The following ALYREF variants were observed in gnomAD, a reference collection of about 807,000 sequenced individuals.
ALYREF encodes the protein THO complex subunit 4.
ALYREF carries 1 observed loss-of-function variant against 25.2 expected under a neutral mutation model. That is an observed-to-expected ratio of 0.04 (90% CI 0.01 to 0.19). The LOEUF is 0.19. Among genes scored for constraint, ALYREF ranks in the 10% least tolerant of loss-of-function variants. The probability of loss-of-function intolerance (pLI) is 1.00; values close to 1 mark genes in which losing one functional copy is unlikely to be tolerated. For synonymous variants in ALYREF, 193 were observed against 153.5 expected, an observed-to-expected ratio of 1.26 and a Z score of -1.90; for missense variants, 328 against 375.6, an observed-to-expected ratio of 0.87 and a Z score of 1.05.
chr17:81,887,998 G>T lies in ALYREF; in HGVS notation c.*133C>A. The T allele has an allele frequency of 6.9e-4, 594 of 861,788 alleles. No individual in the cohort carries two copies. The highest frequency in any genetic ancestry group is 1.2e-3 in the Middle Eastern group (3 of 2,574). The allele number at this position is 861,788 out of a possible 1,614,324, so 53.4% of individuals were successfully genotyped here. ...AGAAAAAAAAAAAACCTTTACATGA[G>T]TTTTTAAATCCTATTTTAAAACATA... On this transcript the variant is annotated 3_prime_UTR_variant, in exon 6 of 6. Transcript: ENST00000505490.
Position 81,888,773 on chromosome 17 carries a change from C to T in ALYREF, c.539-190G>A. 6.9e-7 allele frequency: 1 copy of T among 1,446,690 alleles called. No individual in the cohort carries two copies. Among genetic ancestry groups the T allele is most frequent in the Non-Finnish European group, 9.1e-7 (1 of 1,100,358 alleles). The allele number at this position is 1,446,690 out of a possible 1,614,324, so 89.6% of individuals were successfully genotyped here. On this transcript the variant is annotated intron_variant, in intron 3 of 5. Transcript: ENST00000505490. This position sits in a 1 kb window ranked among gnomAD's most constrained non-coding sequence, Gnocchi z 5.8. ...GGCAAGGAAGCAACCCCACCAACAC[C>T]TCCTCACTCCTTCTCAGTCCAGACT...
Position 81,888,279 on chromosome 17 carries a change from C to G in ALYREF, c.742G>C (p.Glu248Gln), listed in dbSNP as rs774988340. 3 of 1,609,258 alleles carry G rather than the reference C, an allele frequency of 1.9e-6. No individual in the cohort carries two copies. The highest frequency in any genetic ancestry group is 1.7e-6 in the Non-Finnish European group (2 of 1,178,630). ...GRNSKQQLSA[E>Q]ELDAQLDAYN... ...GCGTCCAGCTGGGCATCCAGCTCCT[C>G]TGCCGAAAGCTGCTGCTTTGAATTC... The change falls in exon 5 of 6, where the codon GAG becomes CAG. Residue 248 changes from glutamate to glutamine, a missense_variant. Around this residue, in one of 3 missense-constraint regions of ALYREF, gnomAD observed 108 missense variants for 110.5 expected, o/e 0.98. Coordinates refer to ENST00000505490, the MANE Select transcript of ALYREF (RefSeq NM_005782.4). This position sits in a 1 kb window ranked among gnomAD's most constrained non-coding sequence, Gnocchi z 5.8.
rs369635132 is a variant in ALYREF, at chr17:81,888,438, C to T, written c.603-20G>A. Reference sequence around the variant, plus strand: ...TTTACGCTAGCAAGGAAGACGAAACCGTTCACACACCCGGAAGGACCCTAA... The same window carrying T: ...TTTACGCTAGCAAGGAAGACGAAACTGTTCACACACCCGGAAGGACCCTAA... On this transcript the variant is annotated intron_variant, in intron 4 of 5. Transcript: ENST00000505490. The surrounding 1 kb of genome is among the most constrained non-coding windows in gnomAD (Gnocchi z 5.8). The T allele has an allele frequency of 1.4e-5, 23 of 1,599,842 alleles. No homozygotes were observed. The highest frequency in any genetic ancestry group is 1.7e-4 in the Middle Eastern group (1 of 6,028).
rs763559518 is a variant in ALYREF, at chr17:81,888,115, G to A, written c.*16C>T. The A allele has an allele frequency of 7.4e-6, 12 of 1,614,034 alleles. No homozygotes were observed. The highest frequency in any genetic ancestry group is 1.7e-4 in the Middle Eastern group (1 of 6,006). ...GACGCCTGGGTCCTGTTCCGCACGC[G>A]GATTTGCTGGTCTGTTTAACTGGTG... On this transcript the variant is annotated 3_prime_UTR_variant, in exon 6 of 6. Transcript: ENST00000505490. The surrounding 1 kb of genome is among the most constrained non-coding windows in gnomAD (Gnocchi z 5.8).
intron 2 of ALYREF, among the ~76,000 whole-genome samples, 168 bp downstream of exon 2, chr17:81,890,521 G>C (rs1313505265): frequency 1.3e-5 from 2 of 152,106 alleles, no homozygotes; most frequent in Non-Finnish European, 2.9e-5. Context: ...GCTCGCACCT[G>C]CCTGCGCACT....
At chr17:81,891,206 G>C in intron 1 of ALYREF, 117 bp downstream of exon 1, 1 of 781,120 alleles carries the variant, frequency 1.3e-6, no homozygotes, top group Non-Finnish European at 1.6e-6. Context: ...GGACCTCCGG[G>C]CGGCCGCTCC....
Position 81,888,455 on chromosome 17 carries a change from G to A in ALYREF, c.603-37C>T, listed in dbSNP as rs778420942. 4 of 1,604,056 alleles carry A rather than the reference G, an allele frequency of 2.5e-6. No individual in the cohort carries two copies. The highest frequency in any genetic ancestry group is 2.2e-5 in the East Asian group (1 of 44,632). On this transcript the variant is annotated intron_variant, in intron 4 of 5. Coordinates refer to ENST00000505490, the MANE Select transcript of ALYREF (RefSeq NM_005782.4). This position sits in a 1 kb window ranked among gnomAD's most constrained non-coding sequence, Gnocchi z 5.8. Reference sequence around the variant, plus strand: ...GACGAAACCGTTCACACACCCGGAAGGACCCTAAGAGCGACGCAGCCTCAC... The same window carrying A: ...GACGAAACCGTTCACACACCCGGAAAGACCCTAAGAGCGACGCAGCCTCAC...
Position 81,888,507 on chromosome 17 carries a change from C to A in ALYREF, c.602+13G>T. ...CTCGGCCAATCCCCTTCCCCAGAGG[C>A]CCCGGAAGTCACCTCTGTGCAGGCC... On this transcript the variant is annotated intron_variant, in intron 4 of 5. Coordinates refer to ENST00000505490, the MANE Select transcript of ALYREF (RefSeq NM_005782.4). This position sits in a 1 kb window ranked among gnomAD's most constrained non-coding sequence, Gnocchi z 5.8. 8 of 1,599,832 alleles carry A rather than the reference C, an allele frequency of 5.0e-6. No individual in the cohort carries two copies. The highest frequency in any genetic ancestry group is 6.8e-6 in the Non-Finnish European group (8 of 1,172,340).
chr17:81,891,423 G>C lies in ALYREF; in HGVS notation c.158C>G (p.Ala53Gly), dbSNP rs1156320997. 24 of 1,016,346 alleles carry C rather than the reference G, an allele frequency of 2.4e-5. No homozygotes were observed. The highest frequency in any genetic ancestry group is 2.8e-5 in the Non-Finnish European group (24 of 853,136). The allele number at this position is 1,016,346 out of a possible 1,614,324, so 63.0% of individuals were successfully genotyped here. The change falls in exon 1 of 6, where the codon GCG becomes GGG. Residue 53 changes from alanine (A) to glycine (G), a missense_variant. Ala to Gly is a moderately conservative substitution (Grantham distance 60). Around this residue, in one of 3 missense-constraint regions of ALYREF, gnomAD observed 150 missense variants for 135.3 expected, o/e 1.11. Transcript: ENST00000505490. ...GGRGGGAQAA[A>G]RVNRGGGPIR... Reference sequence around the variant, plus strand: ...GGGCCCGCCGCCTCGATTCACTCGCGCGGCGGCCTGCGCCCCACCGCCGCG... The same window carrying C: ...GGGCCCGCCGCCTCGATTCACTCGCCCGGCGGCCTGCGCCCCACCGCCGCG...
chr17:81,890,818 T>C lies in ALYREF; in HGVS notation c.261A>G (p.Pro87=), dbSNP rs146289501. 2 of 1,613,848 alleles carry C rather than the reference T, an allele frequency of 1.2e-6. No homozygotes were observed. The highest frequency in any genetic ancestry group is 1.7e-6 in the Non-Finnish European group (2 of 1,179,914). Residue 87 remains proline, a splice_region_variant and synonymous_variant, in exon 2 of 6, where the codon CCA becomes CCG. Coordinates refer to ENST00000505490, the MANE Select transcript of ALYREF (RefSeq NM_005782.4). The part of the protein sequence containing the change: ...GRNRPAPYSR[P]KQLPDKWQHD... The stretch of plus-strand genomic sequence containing the variant: ...GCTGCCACTTGTCGGGAAGTTGTTT[T>C]GGCTGAAAAAAAAACCGCAACAAGA...
At chr17:81,890,322 C>A (rs921695007) in intron 2 of ALYREF, among the ~76,000 whole-genome samples, 1 of 152,140 alleles carries the variant, frequency 6.6e-6, no homozygotes, top group Non-Finnish European at 1.5e-5. Context: ...AAAGAAGATT[C>A]TTTTTCTCAC....
Position 81,890,823 on chromosome 17 carries a change from GA to G in ALYREF, c.259-4del, listed in dbSNP as rs751288400. 6.9e-6 allele frequency: 11 copies of G among 1,587,426 alleles called. No individual in the cohort carries two copies. The highest frequency in any genetic ancestry group is 2.2e-5 in the South Asian group (2 of 89,504). On this transcript the variant is annotated splice_region_variant and splice_polypyrimidine_tract_variant and intron_variant, in intron 1 of 5. Coordinates refer to ENST00000505490, the MANE Select transcript of ALYREF (RefSeq NM_005782.4). Reference sequence around the variant, plus strand: ...CACTTGTCGGGAAGTTGTTTTGGCTGAAAAAAAAACCGCAACAAGAGCAGAT... The same window carrying G: ...CACTTGTCGGGAAGTTGTTTTGGCTGAAAAAAAACCGCAACAAGAGCAGAT...
chr17:81,889,173 C>G lies in ALYREF; in HGVS notation c.538+9G>C. On this transcript the variant is annotated intron_variant, in intron 3 of 5. Transcript: ENST00000505490. ...CCCACAGTCAGCGTGGGTCCACCCC[C>G]AGACTCACCATCCAGAGGGACGCCG... 2 of 1,613,822 alleles carry G rather than the reference C, an allele frequency of 1.2e-6. No individual in the cohort carries two copies. Among genetic ancestry groups the G allele is most frequent in the South Asian group, 1.1e-5 (1 of 91,078 alleles).
chr17:81,888,578 G>A lies in ALYREF; in HGVS notation c.544C>T (p.Pro182Ser). Residue 182 changes from proline (P) to serine (S), a missense_variant, in exon 4 of 6, where the codon CCC (proline) becomes TCC (serine). Physicochemically the swap from Pro to Ser is moderately conservative, Grantham distance 74. Coordinates refer to ENST00000505490, the MANE Select transcript of ALYREF (RefSeq NM_005782.4). This position sits in a 1 kb window ranked among gnomAD's most constrained non-coding sequence, Gnocchi z 5.8. The stretch of plus-strand genomic sequence containing the variant: ...GACGTGACAAGCTGAATGTTCATGG[G>A]GCGGCCTGCGGCAAAGAATACGAGA... ...QYNGVPLDGRPMNIQLVTSQI... is the reference protein window; with the variant it reads ...QYNGVPLDGRSMNIQLVTSQI... 6.3e-7 allele frequency: 1 copy of A among 1,589,938 alleles called. No homozygotes were observed. Among genetic ancestry groups the A allele is most frequent in the Non-Finnish European group, 8.6e-7 (1 of 1,167,160 alleles).
Position 81,890,817 on chromosome 17 carries a change from T to C in ALYREF, c.262A>G (p.Lys88Glu). 1.2e-6 allele frequency: 2 copies of C among 1,613,898 alleles called. No homozygotes were observed. The highest frequency in any genetic ancestry group is 1.7e-6 in the Non-Finnish European group (2 of 1,179,944). ...RNRPAPYSRPKQLPDKWQHDL... is the reference protein window; with the variant it reads ...RNRPAPYSRPEQLPDKWQHDL... Reference sequence around the variant, plus strand: ...TGCTGCCACTTGTCGGGAAGTTGTTTTGGCTGAAAAAAAAACCGCAACAAG... The same window carrying C: ...TGCTGCCACTTGTCGGGAAGTTGTTCTGGCTGAAAAAAAAACCGCAACAAG... Residue 88 changes from lysine (K) to glutamate (E), a missense_variant, in exon 2 of 6, where the codon AAA becomes GAA. By Grantham distance (56) the Lys-to-Glu change is moderately conservative. This residue lies in a region of ALYREF where 150 missense variants were observed against 135.3 expected (regional missense o/e 1.11). Transcript: ENST00000505490.
chr17:81,891,576 G>A lies in ALYREF; in HGVS notation c.5C>T (p.Pro2Leu). The A allele has an allele frequency of 1.4e-6, 2 of 1,435,740 alleles. No individual in the cohort carries two copies. The highest frequency in any genetic ancestry group is 1.3e-5 in the South Asian group (1 of 77,770). 88.9% of individuals were successfully genotyped at this position (1,435,740 alleles called of 1,614,324 possible). Residue 2 changes from proline (P) to leucine (L), a missense_variant, in exon 1 of 6, where the codon CCC becomes CTC. Pro to Leu is a moderately conservative substitution (Grantham distance 98). This residue lies in a region of ALYREF where 150 missense variants were observed against 135.3 expected (regional missense o/e 1.11). Coordinates refer to ENST00000505490, the MANE Select transcript of ALYREF (RefSeq NM_005782.4). ...GTCGGCCATGGCGGGCGCGGAATCGGGCATCGGCTCGAGCCCGCGCGTCAG... is the reference window on the plus strand; with the variant it reads ...GTCGGCCATGGCGGGCGCGGAATCGAGCATCGGCTCGAGCCCGCGCGTCAG... MPDSAPAMADKM... is the reference protein window; with the variant it reads MLDSAPAMADKM...
intron 2 of ALYREF, 105 bp downstream of exon 2, chr17:81,890,584 G>A (rs763698896): frequency 2.6e-5 from 40 of 1,520,254 alleles, no homozygotes; most frequent in East Asian, 2.5e-4. Context: ...AGAGCTGGGA[G>A]GGCTCCCTTC....
In ALYREF at chr17:81,891,524, G is replaced by A; in HGVS notation, c.57C>T (p.Ile19=). 7.1e-7 allele frequency: 1 copy of A among 1,411,162 alleles called. No individual in the cohort carries two copies. Among genetic ancestry groups the A allele is most frequent in the Non-Finnish European group, 9.3e-7 (1 of 1,077,336 alleles). 87.4% of individuals were successfully genotyped at this position (1,411,162 alleles called of 1,614,324 possible). ...ADKMDMSLDD[I]IKLNRSQRGG... is the part of the protein sequence containing the mutation. Reference sequence around the variant, plus strand: ...CTCGCTGGCTCCGGTTCAGTTTAATGATGTCGTCCAGAGACATGTCCATTT... The same window carrying A: ...CTCGCTGGCTCCGGTTCAGTTTAATAATGTCGTCCAGAGACATGTCCATTT... Residue 19 remains isoleucine (I), a synonymous_variant, in exon 1 of 6, where the codon ATC becomes ATT. Coordinates refer to ENST00000505490, the MANE Select transcript of ALYREF (RefSeq NM_005782.4).
At position 81,888,794 on chromosome 17, in the gene ALYREF, A is replaced by G; in HGVS notation, c.539-211T>C. 1 of 1,430,986 alleles carries G rather than the reference A, an allele frequency of 7.0e-7. No individual in the cohort carries two copies. The highest frequency in any genetic ancestry group is 9.1e-7 in the Non-Finnish European group (1 of 1,094,892). 88.6% of individuals were successfully genotyped at this position (1,430,986 alleles called of 1,614,324 possible). A position where few individuals can be genotyped will look rare whatever the true frequency, so the allele number is the denominator to read the frequency against. ...ACACCTCCTCACTCCTTCTCAGTCC[A>G]GACTAGGTGGGCTGCTCGCTGAGGT... is the stretch of plus-strand genomic sequence containing the variant. On this transcript the variant is annotated intron_variant, in intron 3 of 5. Transcript: ENST00000505490. This position sits in a 1 kb window ranked among gnomAD's most constrained non-coding sequence, Gnocchi z 5.8.
Sources: allele counts gnomAD v4.1 joint callset (sites outside exome capture counted in the v4.1 genomes callset), GRCh38; gene constraint gnomAD v4.1.1; regional missense constraint gnomAD v4.1.1; non-coding constraint Gnocchi (gnomAD v3.1); transcripts MANE v1.5; gene names NCBI Gene and HGNC (gene_info 2026-07-23, HGNC 2026-07-21).